AGBL4: variants seen among roughly 807,000 people sequenced by gnomAD.
The protein encoded by AGBL4 is cytosolic carboxypeptidase 6.
AGBL4 carries 58 observed loss-of-function variants against 66.4 expected under a neutral mutation model. The ratio of observed to expected loss-of-function variants is 0.87; its 90% CI spans 0.71 to 1.09. AGBL4 has a LOEUF of 1.09. Among genes scored for constraint, AGBL4 ranks in the 50% least tolerant of loss-of-function variants. AGBL4 has a pLI of 0.00. For synonymous variants in AGBL4, 234 were observed against 222.9 expected (o/e 1.05, Z -0.44); for missense variants, 579 against 631.0 (o/e 0.92, Z 0.88).
chr1:48,692,489 A>C (rs370628502), intron 6 of AGBL4, among the ~76,000 whole-genome samples: 5 of 152,178 alleles, frequency 3.3e-5, no homozygotes, highest in African/African-American at 1.2e-4. Flanking sequence ...GAAGTCTGGG[A>C]GAGGAGCGTG....
intron 1 of AGBL4, among the ~76,000 whole-genome samples, chr1:49,857,832 AG>A (rs1646471832): frequency 6.6e-6 from 1 of 152,168 alleles, no homozygotes; most frequent in Non-Finnish European, 1.5e-5. Context: ...AGACATCAAA[AG>A]CACAGGCAAC....
chr1:48,917,677 C>T (rs1173000059), intron 5 of AGBL4, among the ~76,000 whole-genome samples: 1 of 152,142 alleles, frequency 6.6e-6, no homozygotes, highest in African/African-American at 2.4e-5. Context: ...AACAAATGTT[C>T]ATAATGATAT....
chr1:49,601,403 TC>T (rs1644955522), intron 3 of AGBL4, among the ~76,000 whole-genome samples: 1 of 152,086 alleles, frequency 6.6e-6, no homozygotes, highest in Admixed American at 6.6e-5. Flanking sequence ...TGATATCCTT[TC>T]TTCCACTTGA....
intron 4 of AGBL4, among the ~76,000 whole-genome samples, chr1:49,225,415 T>C (rs1239141572): frequency 1.3e-5 from 2 of 152,202 alleles, no homozygotes; most frequent in South Asian, 4.1e-4. Context: ...ATACACGCTA[T>C]TTAGCTTGCT....
intron 6 of AGBL4, among the ~76,000 whole-genome samples, chr1:48,817,282 A>G (rs1646202828): frequency 6.6e-6 from 1 of 152,178 alleles, no homozygotes; most frequent in Non-Finnish European, 1.5e-5. Flanking sequence ...TTAAAAAGGT[A>G]CCTGGTTGAC....
chr1:49,068,393 C>A (rs866262728), intron 4 of AGBL4, among the ~76,000 whole-genome samples: 1 of 151,086 alleles, frequency 6.6e-6, no homozygotes, highest in Non-Finnish European at 1.5e-5. Flanking sequence ...CCCCCACCCC[C>A]CAACAGGCCC....
intron 4 of AGBL4, among the ~76,000 whole-genome samples, chr1:49,135,481 T>A (rs1005417217): frequency 1.3e-5 from 2 of 151,848 alleles, no homozygotes; most frequent in Admixed American, 1.3e-4. Context: ...AAATCAGGGG[T>A]CTCACAGCCT....
At chr1:49,555,126 T>C (rs1464036678) in intron 3 of AGBL4, among the ~76,000 whole-genome samples, 2 of 152,222 alleles carry the variant, frequency 1.3e-5, no homozygotes, top group East Asian at 3.9e-4. Context: ...ATCCCGCTGA[T>C]TGGTCCATTT....
chr1:49,940,593 T>C (rs1557601108), intron 1 of AGBL4, among the ~76,000 whole-genome samples: 1 of 151,568 alleles, frequency 6.6e-6, no homozygotes, highest in African/African-American at 2.4e-5. Context: ...CAGTAAACTA[T>C]CACAAGAACA....
intron 3 of AGBL4, among the ~76,000 whole-genome samples, chr1:49,411,515 T>C (rs1358767465): frequency 2.0e-5 from 3 of 152,176 alleles, no homozygotes; most frequent in African/African-American, 7.2e-5. Flanking sequence ...TGAAACTTAA[T>C]ATTAAACATC....
chr1:49,825,432 A>C (rs1645484410), intron 2 of AGBL4, among the ~76,000 whole-genome samples: 1 of 152,202 alleles, frequency 6.6e-6, no homozygotes, highest in African/African-American at 2.4e-5. Flanking sequence ...CCATTCTACA[A>C]GACAGTTCAT....
chr1:49,412,083 T>G (rs951375593), intron 3 of AGBL4, among the ~76,000 whole-genome samples: 1 of 152,188 alleles, frequency 6.6e-6, no homozygotes, highest in Non-Finnish European at 1.5e-5. Flanking sequence ...TATGCTAGTT[T>G]TATTTTTCTT....
intron 3 of AGBL4, among the ~76,000 whole-genome samples, chr1:49,521,691 C>CA: frequency 6.6e-6 from 1 of 152,078 alleles, no homozygotes; most frequent in Admixed American, 6.6e-5. Flanking sequence ...ATAAGACCCC[C>CA]AACCTATAAA....
At chr1:48,697,161 G>A (rs1370717181) in intron 6 of AGBL4, among the ~76,000 whole-genome samples, 6 of 152,206 alleles carry the variant, frequency 3.9e-5, no homozygotes, top group Non-Finnish European at 1.5e-5. Flanking sequence ...CAAGACAGAA[G>A]GTTGTCTAAG....
At chr1:48,797,265 T>C (rs1645704396) in intron 6 of AGBL4, among the ~76,000 whole-genome samples, 1 of 152,236 alleles carries the variant, frequency 6.6e-6, no homozygotes, top group Non-Finnish European at 1.5e-5. Context: ...AGGTGGTTTT[T>C]GGTTACATGG....
intron 6 of AGBL4, among the ~76,000 whole-genome samples, chr1:48,859,550 A>G (rs1647307542): frequency 6.6e-6 from 1 of 152,172 alleles, no homozygotes; most frequent in South Asian, 2.1e-4. Flanking sequence ...GTCTTTGTGT[A>G]AAGGTCTGCT....
rs768085446 is a variant in AGBL4 at position 48,672,452 on chromosome 1, C to T, written c.635-9211G>A. Among the ~76,000 whole-genome samples, 22 of 152,198 alleles carry T rather than the reference C, an allele frequency of 1.4e-4. 1 individual carries two copies. Among genetic ancestry groups the T allele is most frequent in the Admixed American group, 1.2e-3 (18 of 15,284 alleles). On this transcript the variant is annotated intron_variant, in intron 6 of 13. Transcript: ENST00000371839. Reference sequence around the variant, plus strand: ...CCAGACTCCAAAGCCTGATGTCACTCGAGGAGCCAACACAACCACTTGTCA... The same window carrying T: ...CCAGACTCCAAAGCCTGATGTCACTTGAGGAGCCAACACAACCACTTGTCA...
intron 9 of AGBL4, among the ~76,000 whole-genome samples, chr1:48,609,962 T>C (rs1645211518): frequency 6.6e-6 from 1 of 152,142 alleles, no homozygotes; most frequent in Admixed American, 6.5e-5. Flanking sequence ...ACGCAGACCT[T>C]GAAATAAAAG....
chr1:49,778,993 A>T (rs1410746635), intron 2 of AGBL4, among the ~76,000 whole-genome samples: 1 of 152,180 alleles, frequency 6.6e-6, no homozygotes. Flanking sequence ...GCATGGAAAA[A>T]AATTTATACT....
Sources: gnomAD v4.1 joint callset for allele counts (sites outside exome capture counted in the v4.1 genomes callset) on GRCh38, gnomAD v4.1.1 for gene constraint, MANE v1.5 for transcripts, NCBI Gene and HGNC (gene_info 2026-07-23, HGNC 2026-07-21) for gene names.